KIAA1549: variants seen among roughly 807,000 people sequenced by gnomAD.
KIAA1549 encodes KIAA1549.
Under a neutral mutation model 156.4 loss-of-function variants are expected in KIAA1549, and 70 were observed. The ratio of observed to expected loss-of-function variants is 0.45; its 90% CI spans 0.37 to 0.55. The LOEUF is 0.55. Among genes scored for constraint, KIAA1549 ranks in the 20% least tolerant of loss-of-function variants. The probability of loss-of-function intolerance (pLI) is 0.00; values close to 1 mark genes in which losing one functional copy is unlikely to be tolerated. For missense variants in KIAA1549, 2,428 were observed against 2,540.9 expected (o/e 0.96, Z 0.96); for synonymous variants, 1,103 against 1,066.4 (o/e 1.03, Z -0.67).
intron 12 of KIAA1549, chr7:138,876,596 T>A (rs1277106422): frequency 6.6e-6 from 1 of 152,246 alleles, no homozygotes; most frequent in Non-Finnish European, 1.5e-5. Flanking sequence ...ACATGCAATC[T>A]AAGGAGAGCA....
At chr7:138,931,983 G>A (rs1049240730) in intron 1 of KIAA1549, among the ~76,000 whole-genome samples, 1 of 152,158 alleles carries the variant, frequency 6.6e-6, no homozygotes, top group Middle Eastern at 3.4e-3. Context: ...GTGGGGAGGC[G>A]TGGGGTGTGT....
intron 18 of KIAA1549, among the ~76,000 whole-genome samples, chr7:138,841,816 T>C (rs75992921): frequency 0.011 from 1,728 of 151,938 alleles, 46 homozygotes; most frequent in African/African-American, 0.04. Context: ...TCCTCCCACT[T>C]TGGCCTCCCA....
chr7:138,874,752 C>T (rs1356633025), intron 12 of KIAA1549, among the ~76,000 whole-genome samples: 1 of 152,156 alleles, frequency 6.6e-6, no homozygotes, highest in Non-Finnish European at 1.5e-5. Flanking sequence ...GCCTGTAATC[C>T]CAGCACTTTG....
chr7:138,877,429 G>C (rs1386550023), intron 12 of KIAA1549, among the ~76,000 whole-genome samples: 2 of 152,194 alleles, frequency 1.3e-5, no homozygotes, highest in African/African-American at 4.8e-5. Context: ...GGGAGGCAGA[G>C]GTTGCAGTGA....
intron 1 of KIAA1549, among the ~76,000 whole-genome samples, chr7:138,967,010 AT>A (rs1814045312): frequency 6.6e-6 from 1 of 152,174 alleles, no homozygotes; most frequent in Admixed American, 6.5e-5. Context: ...AAACACCCAG[AT>A]CAAAACTGCA....
At position 138,894,474 on chromosome 7, in the gene KIAA1549, C is replaced by G; in HGVS notation, c.3900G>C (p.Trp1300Cys). 6.2e-7 allele frequency: 1 copy of G among 1,614,032 alleles called. No homozygotes were observed. The highest frequency in any genetic ancestry group is 8.5e-7 in the Non-Finnish European group (1 of 1,179,894). The change falls in exon 10 of 20, where the codon TGG (tryptophan) becomes TGC (cysteine). Residue 1300 changes from tryptophan to cysteine, a missense_variant. Transcript: ENST00000422774. The stretch of plus-strand genomic sequence containing the variant: ...CTGGGATGACCACGCCAACAATGAC[C>G]CACAAGTTGTTGCTCTGGGATTCCG... ...PSPESQSNNLWVIVGVVIPVL... is the reference protein window; with the variant it reads ...PSPESQSNNLCVIVGVVIPVL...
chr7:138,909,717 C>T (rs1039842180), intron 4 of KIAA1549, among the ~76,000 whole-genome samples: 10 of 152,184 alleles, frequency 6.6e-5, no homozygotes, highest in African/African-American at 2.4e-4. Context: ...GAGGCTGAGG[C>T]GGGCAGATCA....
At position 138,912,371 on chromosome 7, in the gene KIAA1549, C is replaced by T; in HGVS notation, c.2967+1G>A. On this transcript the variant is annotated splice_donor_variant, in intron 3 of 19. Transcript: ENST00000422774. LOFTEE classifies it high-confidence loss of function. ...CACACTCCTGAGCCACCAGGACTCA[C>T]CTTCAGTTCCACTGCACGGTTGAAG... 1 of 1,613,022 alleles carries T rather than the reference C, an allele frequency of 6.2e-7. No homozygotes were observed. Among genetic ancestry groups the T allele is most frequent in the Non-Finnish European group, 8.5e-7 (1 of 1,179,026 alleles).
At chr7:138,923,653 G>T (rs1812627521) in intron 1 of KIAA1549, among the ~76,000 whole-genome samples, 2 of 152,092 alleles carry the variant, frequency 1.3e-5, no homozygotes, top group South Asian at 2.1e-4. Flanking sequence ...AATACTGATG[G>T]TATAAATGAA....
chr7:138,893,682 A>G (rs981129066), intron 10 of KIAA1549, among the ~76,000 whole-genome samples: 4 of 152,272 alleles, frequency 2.6e-5, no homozygotes, highest in African/African-American at 9.6e-5. Context: ...CAGAAAATAA[A>G]GCAACTGACC....
chr7:138,852,975 T>A (rs1810278066), intron 16 of KIAA1549, among the ~76,000 whole-genome samples: 2 of 152,250 alleles, frequency 1.3e-5, no homozygotes, highest in African/African-American at 4.8e-5. Flanking sequence ...ACTAAAACAA[T>A]ATGCCACATG....
rs892865414 is a variant in KIAA1549, at chr7:138,836,559, T to C, written c.*1347A>G. 4.1e-5 allele frequency: 9 copies of C among 217,738 alleles called. No individual in the cohort carries two copies. The highest frequency in any genetic ancestry group is 1.4e-3 in the Middle Eastern group (1 of 730). 13.5% of individuals were successfully genotyped at this position (217,738 alleles called of 1,614,324 possible). ...CTCTTAGCTAAGCCTGCTTTTCTTC[T>C]GAGTTTCACTCAGGTACCAGAAAAC... is the stretch of plus-strand genomic sequence containing the variant. On this transcript the variant is annotated 3_prime_UTR_variant, in exon 20 of 20. Transcript: ENST00000422774.
chr7:138,981,100 G>A lies in KIAA1549; in HGVS notation c.170C>T (p.Pro57Leu). 1 of 1,224,636 alleles carries A rather than the reference G, an allele frequency of 8.2e-7. No individual in the cohort carries two copies. The highest frequency in any genetic ancestry group is 4.3e-5 in the Admixed American group (1 of 23,392). The allele number at this position is 1,224,636 out of a possible 1,614,324, so 75.9% of individuals were successfully genotyped here. A position where few individuals can be genotyped will look rare whatever the true frequency, so the allele number is the denominator to read the frequency against. Reference protein sequence around the residue: ...PGLWLLLLARPASCAPDELSP... With the variant: ...PGLWLLLLARLASCAPDELSP... Reference sequence around the variant, plus strand: ...GAGCTTACCTGGGGCGCACGAGGCCGGCCGGGCCAGCAGCAGCAGCCAGAG... The same window carrying A: ...GAGCTTACCTGGGGCGCACGAGGCCAGCCGGGCCAGCAGCAGCAGCCAGAG... The change falls in exon 1 of 20, where the codon CCG becomes CTG. Residue 57 changes from proline to leucine, a missense_variant. Transcript: ENST00000422774. The surrounding 1 kb of genome is among the most constrained non-coding windows in gnomAD (Gnocchi z 4.5).
rs762370152 is a variant in KIAA1549, at chr7:138,833,412, G to A, written c.*4494C>T. The A allele has an allele frequency of 3.9e-5, 9 of 232,316 alleles. No homozygotes were observed. The highest frequency in any genetic ancestry group is 7.7e-5 in the Non-Finnish European group (9 of 117,560). The allele number at this position is 232,316 out of a possible 1,614,324, so 14.4% of individuals were successfully genotyped here. On this transcript the variant is annotated 3_prime_UTR_variant, in exon 20 of 20. Transcript: ENST00000422774. The stretch of plus-strand genomic sequence containing the variant: ...AAAAAAGTTGTGCGAAAGAAGGAAC[G>A]CTGAACCTGTCCACGGGAAACGGGA...
intron 18 of KIAA1549, 129 bp downstream of exon 18, chr7:138,844,188 A>G: frequency 9.6e-7 from 1 of 1,044,760 alleles, no homozygotes; most frequent in East Asian, 2.6e-5. Flanking sequence ...TCAGGATATG[A>G]GGGGAAACAG....
chr7:138,941,961 G>T (rs1813195756), intron 1 of KIAA1549, among the ~76,000 whole-genome samples: 1 of 151,448 alleles, frequency 6.6e-6, no homozygotes, highest in African/African-American at 2.4e-5. Context: ...TAAATTTTAT[G>T]TTATGTATAT....
chr7:138,914,609 CA>C (rs1812265168), intron 2 of KIAA1549, among the ~76,000 whole-genome samples: 1 of 152,172 alleles, frequency 6.6e-6, no homozygotes, highest in African/African-American at 2.4e-5. Context: ...AAAAGGACAG[CA>C]AGGTCCAACC....
intron 10 of KIAA1549, among the ~76,000 whole-genome samples, chr7:138,885,103 G>A (rs1811352684): frequency 6.6e-6 from 1 of 152,000 alleles, no homozygotes; most frequent in Non-Finnish European, 1.5e-5. Context: ...GCTGAGGCAG[G>A]AGAATAGCTT....
At chr7:138,911,473 T>C (rs1181029591) in intron 3 of KIAA1549, 150 bp from the exon 4 acceptor site, 1 of 637,268 alleles carries the variant, frequency 1.6e-6, no homozygotes, top group Non-Finnish European at 2.7e-6. Flanking sequence ...AGTTACTGCT[T>C]TTACTCTCTG....
Sources: allele counts gnomAD v4.1 joint callset (sites outside exome capture counted in the v4.1 genomes callset), GRCh38; gene constraint gnomAD v4.1.1; non-coding constraint Gnocchi (gnomAD v3.1); transcripts MANE v1.5; gene names NCBI Gene and HGNC (gene_info 2026-07-23, HGNC 2026-07-21).